Variants in GRXCR1 observed in about 807,000 individuals in gnomAD.
GRXCR1 encodes glutaredoxin and cysteine rich domain containing 1.
In GRXCR1, 27 loss-of-function variants were observed where a neutral mutation model predicts 27.3. The ratio of observed to expected loss-of-function variants is 0.99; its 90% CI spans 0.73 to 1.37. The LOEUF (loss-of-function observed/expected upper bound fraction) is 1.37, where lower values mean the gene tolerates loss of function less well. GRXCR1 is among the 40% of genes most tolerant of loss of function. GRXCR1 has a pLI of 0.00. For missense variants in GRXCR1, 379 were observed against 354.4 expected, an observed-to-expected ratio of 1.07 and a Z score of -0.56; for synonymous variants, 122 against 131.1, an observed-to-expected ratio of 0.93 and a Z score of 0.47.
At chr4:42,967,113 C>A (rs751747511) in intron 2 of GRXCR1, among the ~76,000 whole-genome samples, 1 of 152,056 alleles carries the variant, frequency 6.6e-6, no homozygotes, top group East Asian at 1.9e-4. Flanking sequence ...TTGTATCTAA[C>A]AAATCATCAC....
intron 2 of GRXCR1, 75 bp downstream of exon 2, chr4:42,963,209 A>G (rs1316963800): frequency 1.3e-6 from 2 of 1,535,810 alleles, no homozygotes; most frequent in East Asian, 2.3e-5. Flanking sequence ...CCATCTATAC[A>G]TTTGCAGCGT....
At chr4:43,017,737 C>T (rs115281685) in intron 2 of GRXCR1, among the ~76,000 whole-genome samples, 1 of 152,018 alleles carries the variant, frequency 6.6e-6, no homozygotes, top group Non-Finnish European at 1.5e-5. Flanking sequence ...TATGTAAAAA[C>T]AAACTTATGT....
intron 3 of GRXCR1, among the ~76,000 whole-genome samples, chr4:43,026,227 C>G (rs1713254834): frequency 1.3e-5 from 2 of 152,154 alleles, no homozygotes; most frequent in Admixed American, 6.6e-5. Flanking sequence ...GGTTAGACTT[C>G]AGAGCAACAC....
rs762589174 is a variant in GRXCR1 at position 42,962,983 on chromosome 4, T to C, written c.476T>C (p.Val159Ala). The C allele has an allele frequency of 6.2e-7, 1 of 1,612,842 alleles. No homozygotes were observed. The highest frequency in any genetic ancestry group is 1.1e-5 in the South Asian group (1 of 91,062). Reference protein sequence around the residue: ...VRTTFERCELVRKIFQNHRVK... With the variant: ...VRTTFERCELARKIFQNHRVK... ...ACAACCTTTGAAAGATGTGAACTGG[T>C]TAGAAAGATTTTCCAAAACCATCGC... The change falls in exon 2 of 4, where the codon GTT (valine) becomes GCT (alanine). Residue 159 changes from valine to alanine, a missense_variant. Physicochemically the swap from Val to Ala is moderately conservative, Grantham distance 64. Transcript: ENST00000399770.
intron 1 of GRXCR1, among the ~76,000 whole-genome samples, chr4:42,908,035 C>T (rs1394652910): frequency 2.6e-5 from 4 of 152,134 alleles, no homozygotes; most frequent in Non-Finnish European, 5.9e-5. Context: ...ATGCTGCCTT[C>T]CTACAGGGGG....
chr4:42,998,194 C>T (rs1185603358), intron 2 of GRXCR1, among the ~76,000 whole-genome samples: 1 of 152,116 alleles, frequency 6.6e-6, no homozygotes, highest in Non-Finnish European at 1.5e-5. Flanking sequence ...GCCTTCTGAA[C>T]GTGAGTCCAT....
intron 2 of GRXCR1, among the ~76,000 whole-genome samples, chr4:42,968,337 T>C (rs1021200264): frequency 6.6e-6 from 1 of 152,124 alleles, no homozygotes; most frequent in Admixed American, 6.6e-5. Context: ...ATTATTATTG[T>C]TTATCAAAAT....
chr4:43,006,701 C>T (rs1427160717), intron 2 of GRXCR1, among the ~76,000 whole-genome samples: 7 of 152,306 alleles, frequency 4.6e-5, no homozygotes, highest in African/African-American at 1.2e-4. Context: ...CCTGTGATCT[C>T]GCCCTGCCTC....
chr4:42,915,470 T>TC (rs1414163220), intron 1 of GRXCR1, among the ~76,000 whole-genome samples: 1 of 152,172 alleles, frequency 6.6e-6, no homozygotes, highest in Non-Finnish European at 1.5e-5. Flanking sequence ...CTCTTTTTTT[T>TC]CCTCCTTTTT....
chr4:42,964,470 A>T (rs1302903453), intron 2 of GRXCR1, among the ~76,000 whole-genome samples: 1 of 152,058 alleles, frequency 6.6e-6, no homozygotes, highest in Non-Finnish European at 1.5e-5. Flanking sequence ...AACTTATCCC[A>T]TAGGCTGATT....
intron 1 of GRXCR1, among the ~76,000 whole-genome samples, chr4:42,953,850 T>C (rs1231264964): frequency 6.6e-6 from 1 of 152,120 alleles, no homozygotes; most frequent in African/African-American, 2.4e-5. Flanking sequence ...CATGATTCAT[T>C]AGTCTTCCTA....
intron 1 of GRXCR1, among the ~76,000 whole-genome samples, chr4:42,935,831 T>A (rs1256428519): frequency 1.3e-5 from 2 of 151,958 alleles, no homozygotes; most frequent in African/African-American, 4.8e-5. Flanking sequence ...GATGTTAACA[T>A]ATGCCTTCTC....
chr4:42,928,653 A>G (rs569298184), intron 1 of GRXCR1, among the ~76,000 whole-genome samples: 8 of 152,132 alleles, frequency 5.3e-5, no homozygotes, highest in Admixed American at 6.6e-5. Flanking sequence ...GAAGCACACC[A>G]GAGTGCTCAG....
At chr4:42,921,319 G>GTTAT (rs1280380898) in intron 1 of GRXCR1, among the ~76,000 whole-genome samples, 2 of 152,050 alleles carry the variant, frequency 1.3e-5, no homozygotes, top group Admixed American at 6.6e-5. Flanking sequence ...ATGAATTACT[G>GTTAT]TTATTTATAA....
chr4:42,987,759 A>T (rs1711827827), intron 2 of GRXCR1, among the ~76,000 whole-genome samples: 1 of 152,200 alleles, frequency 6.6e-6, no homozygotes, highest in African/African-American at 2.4e-5. Flanking sequence ...AAAATTCTAG[A>T]TAAAATAATT....
intron 2 of GRXCR1, among the ~76,000 whole-genome samples, chr4:42,978,476 C>A (rs1316350201): frequency 6.6e-6 from 1 of 151,864 alleles, no homozygotes; most frequent in South Asian, 2.1e-4. Flanking sequence ...TCTTCAATTT[C>A]TTTTGTGATT....
At chr4:42,932,756 A>AGAATTTAC (rs1438997221) in intron 1 of GRXCR1, among the ~76,000 whole-genome samples, 3 of 150,690 alleles carry the variant, frequency 2.0e-5, no homozygotes, top group Non-Finnish European at 4.4e-5. Flanking sequence ...TTGTTAAGAG[A>AGAATTTAC]GAATTTACTC....
chr4:42,920,929 G>A (rs1397195912), intron 1 of GRXCR1, among the ~76,000 whole-genome samples: 1 of 145,616 alleles, frequency 6.9e-6, no homozygotes, highest in East Asian at 2.0e-4. Flanking sequence ...TCAAGTTCAA[G>A]TTTGCAATAA....
At position 42,979,245 on chromosome 4, in the gene GRXCR1, C is replaced by A. The variant is rs372350210; in HGVS notation, c.627+16111C>A. Reference sequence around the variant, plus strand: ...GTTGACTAGATGTGGTGAGAGTAGGCATCCTTGTCTTGTTCTAGATCTTAG... The same window carrying A: ...GTTGACTAGATGTGGTGAGAGTAGGAATCCTTGTCTTGTTCTAGATCTTAG... On this transcript the variant is annotated intron_variant, in intron 2 of 3. Coordinates refer to ENST00000399770, the MANE Select transcript of GRXCR1 (RefSeq NM_001080476.3). Among the ~76,000 whole-genome samples the A allele has an allele frequency of 4.4e-4, 67 of 152,162 alleles. 2 individuals carry two copies. The South Asian group carries it at 9.9e-3, about 23-fold the overall frequency.
Sources: allele counts gnomAD v4.1 joint callset (sites outside exome capture counted in the v4.1 genomes callset), GRCh38; gene constraint gnomAD v4.1.1; transcripts MANE v1.5; gene names NCBI Gene and HGNC (gene_info 2026-07-23, HGNC 2026-07-21).